CCNY: variants seen among roughly 807,000 people sequenced by gnomAD.
CCNY encodes cyclin-Y.
Under a neutral mutation model 42.8 loss-of-function variants are expected in CCNY, and 19 were observed. The ratio of observed to expected loss-of-function variants is 0.44; its 90% CI spans 0.31 to 0.65. CCNY has a LOEUF of 0.65. Among genes scored for constraint, CCNY ranks in the 30% least tolerant of loss-of-function variants. The pLI, the probability that CCNY is intolerant of heterozygous loss-of-function variation, is 0.07. For missense variants in CCNY, 370 were observed against 437.3 expected (o/e 0.85, Z 1.37); for synonymous variants, 165 against 162.7 (o/e 1.01, Z -0.11).
intron 3 of CCNY, among the ~76,000 whole-genome samples, chr10:35,304,294 A>AATTAAAAGTGG (rs1554774950): frequency 4.4e-4 from 49 of 110,904 alleles, no homozygotes; most frequent in South Asian, 2.7e-3. Context: ...TTCTCCTTTT[A>AATTAAAAGTGG]TTTTTTTTTT....
At chr10:35,367,598 A>G (rs1042679122) in intron 1 of CCNY, among the ~76,000 whole-genome samples, 6 of 152,222 alleles carry the variant, frequency 3.9e-5, no homozygotes, top group Admixed American at 6.5e-5. Context: ...TGGAATGCAG[A>G]TCTGAAAGCA....
intron 1 of CCNY, among the ~76,000 whole-genome samples, chr10:35,374,749 C>T (rs1285763082): frequency 5.9e-5 from 9 of 152,092 alleles, no homozygotes; most frequent in Middle Eastern, 3.4e-3. Flanking sequence ...TTCTAATATA[C>T]GTGTCTCTGA....
At chr10:35,332,838 T>G (rs1426474191), upstream of CCNY, among the ~76,000 whole-genome samples, 1 of 152,132 alleles carries the variant, frequency 6.6e-6, no homozygotes, top group Non-Finnish European at 1.5e-5. Context: ...TCTCCTGACC[T>G]CGTGATCCAC....
At position 35,483,391 on chromosome 10, in the gene CCNY, C is replaced by T; in HGVS notation, c.155-13C>T. On this transcript the variant is annotated splice_polypyrimidine_tract_variant and intron_variant, in intron 1 of 9. Coordinates refer to ENST00000374704, the MANE Select transcript of CCNY (RefSeq NM_145012.6). ...ATGGTTTATTCATATAATTTATTTT[C>T]CTTTCTTTAAAGATTTGAACATGGA... 6.4e-7 allele frequency: 1 copy of T among 1,556,914 alleles called. No individual in the cohort carries two copies. Among genetic ancestry groups the T allele is most frequent in the Non-Finnish European group, 8.8e-7 (1 of 1,131,578 alleles).
intron 1 of CCNY, among the ~76,000 whole-genome samples, chr10:35,368,055 T>C (rs2135168356): frequency 6.6e-6 from 1 of 152,310 alleles, no homozygotes; most frequent in South Asian, 2.1e-4. Flanking sequence ...TTTTGAAAGA[T>C]TGGATAGAGT....
chr10:35,442,896 C>G lies in CCNY; in HGVS notation c.155-40508C>G, dbSNP rs185406402. 1.2e-4 allele frequency among the ~76,000 whole-genome samples: 19 copies of G among 152,344 alleles called. No homozygotes were observed. The East Asian group carries it at 3.7e-3, about 29-fold the overall frequency. ...GTACTTACCCACAAATCTAGATGGTCTAACCTACTACACATGTAGGCTGCA... is the reference window on the plus strand; with the variant it reads ...GTACTTACCCACAAATCTAGATGGTGTAACCTACTACACATGTAGGCTGCA... On this transcript the variant is annotated intron_variant, in intron 1 of 9. Coordinates refer to ENST00000374704, the MANE Select transcript of CCNY (RefSeq NM_145012.6).
Position 35,553,001 on chromosome 10 carries a change from A to T in CCNY, c.580-18A>T. The T allele has an allele frequency of 6.2e-7, 1 of 1,610,256 alleles. No homozygotes were observed. Among genetic ancestry groups the T allele is most frequent in the Non-Finnish European group, 8.5e-7 (1 of 1,176,774 alleles). On this transcript the variant is annotated intron_variant, in intron 7 of 9. Coordinates refer to ENST00000374704, the MANE Select transcript of CCNY (RefSeq NM_145012.6). ...AGAAAACAAATCACTTAGCTCTGGC[A>T]TTGTCTTGTCTTCCCAGGTGTACCT...
At position 35,570,652 on chromosome 10, in the gene CCNY, A is replaced by G. The variant is rs1447112894; in HGVS notation, c.*1482A>G. 1 of 152,352 alleles carries G rather than the reference A, an allele frequency of 6.6e-6. No individual in the cohort carries two copies. The highest frequency in any genetic ancestry group is 1.5e-5 in the Non-Finnish European group (1 of 68,044). The allele number at this position is 152,352 out of a possible 1,614,324, so 9.4% of individuals were successfully genotyped here. On this transcript the variant is annotated 3_prime_UTR_variant, in exon 10 of 10. Coordinates refer to ENST00000374704, the MANE Select transcript of CCNY (RefSeq NM_145012.6). Reference sequence around the variant, plus strand: ...TTCAAGTCTCTGGGAGGCCAGTGGCAGCAGCAGGTCTGTGTTTCACCTTCT... The same window carrying G: ...TTCAAGTCTCTGGGAGGCCAGTGGCGGCAGCAGGTCTGTGTTTCACCTTCT...
chr10:35,285,303 T>A (rs1835340731), intron 3 of CCNY, among the ~76,000 whole-genome samples: 1 of 152,234 alleles, frequency 6.6e-6, no homozygotes, highest in African/African-American at 2.4e-5. Flanking sequence ...CCCAAAGTGC[T>A]GAGATTACAG....
intron 3 of CCNY, among the ~76,000 whole-genome samples, chr10:35,515,712 A>G (rs1365991813): frequency 6.6e-6 from 1 of 152,230 alleles, no homozygotes; most frequent in Non-Finnish European, 1.5e-5. Context: ...GGAACTATCC[A>G]GATTGATGTG....
At chr10:35,289,081 A>T (rs1383503953) in intron 3 of CCNY, among the ~76,000 whole-genome samples, 1 of 152,146 alleles carries the variant, frequency 6.6e-6, no homozygotes, top group Admixed American at 6.6e-5. Flanking sequence ...TGAGGTTTTT[A>T]AAAATTTCAG....
intron 8 of CCNY, among the ~76,000 whole-genome samples, chr10:35,564,955 A>T (rs1464535233): frequency 6.6e-6 from 1 of 152,038 alleles, no homozygotes. Flanking sequence ...CAAGGACAGG[A>T]GGTTTCCTGG....
chr10:35,459,545 C>T (rs1839112058), intron 1 of CCNY, among the ~76,000 whole-genome samples: 1 of 152,112 alleles, frequency 6.6e-6, no homozygotes, highest in Admixed American at 6.5e-5. Flanking sequence ...CGCTTCTTCC[C>T]AGGCATGATG....
At chr10:35,268,290 G>A (rs2095727683) in intron 3 of CCNY, among the ~76,000 whole-genome samples, 1 of 152,120 alleles carries the variant, frequency 6.6e-6, no homozygotes, top group African/African-American at 2.4e-5. Flanking sequence ...GAGGCAGGTG[G>A]GTCACTTGAG....
intron 2 of CCNY, among the ~76,000 whole-genome samples, chr10:35,487,379 G>A (rs1426120285): frequency 6.6e-6 from 1 of 152,026 alleles, no homozygotes; most frequent in Non-Finnish European, 1.5e-5. Context: ...GTCATGTTAG[G>A]GCAGCTGCTG....
At chr10:35,488,845 T>A (rs1312680033) in intron 2 of CCNY, among the ~76,000 whole-genome samples, 1 of 152,248 alleles carries the variant, frequency 6.6e-6, no homozygotes, top group Non-Finnish European at 1.5e-5. Context: ...AACATGCTCC[T>A]AACAGTTGGA....
intron 3 of CCNY, among the ~76,000 whole-genome samples, chr10:35,331,383 GAGCCTGGGCTTCCT>G (rs1430915592): frequency 2.0e-5 from 3 of 152,348 alleles, no homozygotes; most frequent in Non-Finnish European, 4.4e-5. Context: ...CGACAAGACA[GAGCCTGGGCTTCCT>G]AAGGCCATTT....
At chr10:35,381,282 G>C (rs565609949) in intron 1 of CCNY, among the ~76,000 whole-genome samples, 1 of 152,120 alleles carries the variant, frequency 6.6e-6, no homozygotes, top group African/African-American at 2.4e-5. Flanking sequence ...ACTGTAGGCC[G>C]AGCGCCATGG....
intron 1 of CCNY, among the ~76,000 whole-genome samples, chr10:35,356,246 G>T (rs1357709733): frequency 2.0e-5 from 3 of 152,178 alleles, no homozygotes; most frequent in Non-Finnish European, 2.9e-5. Flanking sequence ...GCATAGTTGG[G>T]TAGTTTTCAT....
Sources: gnomAD v4.1 joint callset for allele counts (sites outside exome capture counted in the v4.1 genomes callset) on GRCh38, gnomAD v4.1.1 for gene constraint, MANE v1.5 for transcripts, NCBI Gene and HGNC (gene_info 2026-07-23, HGNC 2026-07-21) for gene names.